Variants in TRIM38 observed in about 807,000 individuals in gnomAD.
TRIM38 encodes the protein E3 ubiquitin-protein ligase TRIM38.
A neutral mutation model predicts 35.8 loss-of-function variants in TRIM38; 35 were observed. The ratio of observed to expected loss-of-function variants is 0.98; its 90% CI spans 0.75 to 1.30. TRIM38 has a LOEUF of 1.30. Ranked by LOEUF, TRIM38 falls within the 50% of genes most tolerant of loss-of-function variation. The pLI is 0.00. For synonymous variants in TRIM38, 198 were observed against 204.7 expected (o/e 0.97, Z 0.28); for missense variants, 545 against 556.9 (o/e 0.98, Z 0.21).
intron 2 of TRIM38, among the ~76,000 whole-genome samples, chr6:25,965,828 G>A (rs1020966726): frequency 2.0e-5 from 3 of 151,914 alleles, no homozygotes; most frequent in African/African-American, 7.3e-5. Context: ...GGCTGAGGCA[G>A]GAGAATCGCT....
chr6:25,967,256 T>TA (rs1215944420), intron 3 of TRIM38, among the ~76,000 whole-genome samples: 27 of 152,056 alleles, frequency 1.8e-4, no homozygotes, highest in African/African-American at 6.5e-4. Flanking sequence ...AAAACCACAA[T>TA]ATGTAAAGCC....
Position 25,983,418 on chromosome 6 carries a change from G to T in TRIM38, c.1129G>T (p.Glu377Ter), listed in dbSNP as rs768283590. ...GCAGAGGGGCACTGGCATGAAGCAA[G>T]AGCCTCAGTCTGGATTCTGGACCCT... The part of the protein sequence containing the change: ...NVQRGTGMKQ[E>*]PQSGFWTLRL... The change falls in exon 8 of 8, where the codon GAG becomes TAG. Residue 377 changes from glutamate (E) to a stop codon, truncating the protein, a stop_gained. Transcript: ENST00000357085. LOFTEE classifies it low-confidence loss of function (END_TRUNC). The T allele has an allele frequency of 2.5e-6, 4 of 1,614,172 alleles. No individual in the cohort carries two copies. In the South Asian group the frequency reaches 4.4e-5, roughly 18 times the overall value.
In TRIM38 at chr6:25,983,628, C is replaced by T. The variant is rs200985353; in HGVS notation, c.1339C>T (p.Arg447Trp). The change falls in exon 8 of 8, where the codon CGG (arginine) becomes TGG (tryptophan). Residue 447 changes from arginine (R) to tryptophan (W), a missense_variant. Arg to Trp is a moderately radical substitution (Grantham distance 101, BLOSUM62 -3). Transcript: ENST00000357085. The part of the protein sequence containing the change: ...FPKASFSDTL[R>W]PYFQVYQYSP... ...GAAGGCTTCCTTCTCTGATACTCTCCGGCCCTATTTCCAGGTTTATCAATA... is the reference window on the plus strand; with the variant it reads ...GAAGGCTTCCTTCTCTGATACTCTCTGGCCCTATTTCCAGGTTTATCAATA... The T allele has an allele frequency of 1.5e-5, 25 of 1,613,168 alleles. No homozygotes were observed. Among genetic ancestry groups the T allele is most frequent in the Middle Eastern group, 1.7e-4 (1 of 6,010 alleles).
rs578228348 is a variant in TRIM38, at chr6:25,982,653, C to T, written c.875-511C>T. On this transcript the variant is annotated intron_variant, in intron 7 of 7. Transcript: ENST00000357085. ...GCAAACATAAGCTTATTCAATCCTA[C>T]CCACCATTCTCTGCAACAAATACGG... 4.5e-4 allele frequency among the ~76,000 whole-genome samples: 69 copies of T among 152,310 alleles called. 2 individuals carry two copies. The South Asian group carries it at 5.2e-3, about 11-fold the overall frequency.
Position 25,983,543 on chromosome 6 carries a change from T to C in TRIM38, c.1254T>C (p.Tyr418=). Residue 418 remains tyrosine (Y), a synonymous_variant, in exon 8 of 8, where the codon TAT becomes TAC. Transcript: ENST00000357085. ...QPLLVGIFLD[Y]EAGVVSFYNG... ...TGCTTGTGGGAATTTTTCTGGACTA[T>C]GAGGCCGGAGTTGTATCCTTTTATA... 1 of 1,614,084 alleles carries C rather than the reference T, an allele frequency of 6.2e-7. No individual in the cohort carries two copies. Among genetic ancestry groups the C allele is most frequent in the Non-Finnish European group, 8.5e-7 (1 of 1,180,018 alleles).
chr6:25,966,854 T>A lies in TRIM38; in HGVS notation c.332T>A (p.Ile111Asn), dbSNP rs2113580367. The A allele has an allele frequency of 6.2e-7, 1 of 1,614,190 alleles. No homozygotes were observed. Among genetic ancestry groups the A allele is most frequent in the Middle Eastern group, 1.6e-4 (1 of 6,062 alleles). Residue 111 changes from isoleucine (I) to asparagine (N), a missense_variant, in exon 3 of 8, where the codon ATC becomes AAC. Transcript: ENST00000357085. ...HLFCEDEGQL[I>N]CWRCERAPQH... The stretch of plus-strand genomic sequence containing the variant: ...TTCTGCGAAGACGAGGGGCAGCTCA[T>A]CTGCTGGCGCTGTGAGCGGGCACCA...
intron 2 of TRIM38, among the ~76,000 whole-genome samples, chr6:25,963,725 A>G (rs980066608): frequency 6.6e-6 from 1 of 152,174 alleles, no homozygotes; most frequent in Admixed American, 6.5e-5. Flanking sequence ...GAGAGGGCAC[A>G]AAAAGGATAA....
At position 25,983,420 on chromosome 6, in the gene TRIM38, G is replaced by A. The variant is rs199895933; in HGVS notation, c.1131G>A (p.Glu377=). The change falls in exon 8 of 8, where the codon GAG becomes GAA. Residue 377 remains glutamate (E), a synonymous_variant. Coordinates refer to ENST00000357085, the MANE Select transcript of TRIM38 (RefSeq NM_006355.5). Reference sequence around the variant, plus strand: ...AGAGGGGCACTGGCATGAAGCAAGAGCCTCAGTCTGGATTCTGGACCCTCA... The same window carrying A: ...AGAGGGGCACTGGCATGAAGCAAGAACCTCAGTCTGGATTCTGGACCCTCA... The part of the protein sequence containing the change: ...NVQRGTGMKQ[E]PQSGFWTLRL... The A allele has an allele frequency of 6.2e-7, 1 of 1,614,162 alleles. No individual in the cohort carries two copies. Among genetic ancestry groups the A allele is most frequent in the Admixed American group, 1.7e-5 (1 of 60,018 alleles).
rs1451163557 is a variant in TRIM38, at chr6:25,970,084, A to AT, written c.507+670dup. ...AGGCATGTGCTACCATGCCTGGCTAATTTTTTGTATTTTAGTAGAGACGGG... is the reference window on the plus strand; with the variant it reads ...AGGCATGTGCTACCATGCCTGGCTAATTTTTTTGTATTTTAGTAGAGACGGG... On this transcript the variant is annotated intron_variant, in intron 4 of 7. Transcript: ENST00000357085. Among the ~76,000 whole-genome samples, 35 of 151,900 alleles carry AT rather than the reference A, an allele frequency of 2.3e-4. 1 individual carries two copies. The highest frequency in any genetic ancestry group is 8.8e-5 in the Non-Finnish European group (6 of 67,976).
chr6:25,986,964 C>T lies in TRIM38; in HGVS notation c.*3277C>T, dbSNP rs1254088968. On this transcript the variant is annotated 3_prime_UTR_variant, in exon 8 of 8. Coordinates refer to ENST00000357085, the MANE Select transcript of TRIM38 (RefSeq NM_006355.5). ...CTAAAACCTATCATAAAACCTTTGG[C>T]TTGCCTTGCATTAGCCAGAATTTAG... The T allele has an allele frequency of 6.6e-6, 1 of 152,204 alleles. No homozygotes were observed. The highest frequency in any genetic ancestry group is 1.5e-5 in the Non-Finnish European group (1 of 68,036). The allele number at this position is 152,204 out of a possible 1,614,324, so 9.4% of individuals were successfully genotyped here.
intron 2 of TRIM38, among the ~76,000 whole-genome samples, chr6:25,965,396 A>C (rs564376431): frequency 2.6e-5 from 4 of 152,314 alleles, no homozygotes; most frequent in East Asian, 1.9e-4. Context: ...GATAGTGGCT[A>C]CTGTATTAGC....
chr6:25,972,323 C>T (rs1760261970), intron 5 of TRIM38, among the ~76,000 whole-genome samples: 1 of 152,170 alleles, frequency 6.6e-6, no homozygotes, highest in Non-Finnish European at 1.5e-5. Context: ...ACATTTACCA[C>T]TGTTTGCCTC....
At chr6:25,982,304 A>G (rs1050857114) in intron 7 of TRIM38, among the ~76,000 whole-genome samples, 2 of 152,196 alleles carry the variant, frequency 1.3e-5, no homozygotes, top group Non-Finnish European at 2.9e-5. Flanking sequence ...AAAATGCTAA[A>G]CTGTCACAGC....
rs1009066666 is a variant in TRIM38, at chr6:25,990,654, A to G, written c.*6967A>G. The G allele has an allele frequency of 6.6e-6, 1 of 151,640 alleles. No individual in the cohort carries two copies. Among genetic ancestry groups the G allele is most frequent in the African/African-American group, 2.4e-5 (1 of 41,386 alleles). 9.4% of individuals were successfully genotyped at this position (151,640 alleles called of 1,614,324 possible). On this transcript the variant is annotated 3_prime_UTR_variant, in exon 8 of 8. Transcript: ENST00000357085. ...TAATTTATAATAATAAATATTAACA[A>G]TTAGATTTAATTACTGATAAATATT...
At chr6:25,968,622 A>G (rs1336254385) in intron 3 of TRIM38, among the ~76,000 whole-genome samples, 1 of 152,252 alleles carries the variant, frequency 6.6e-6, no homozygotes, top group Non-Finnish European at 1.5e-5. Flanking sequence ...GGGTTTACAG[A>G]GGACAGGAGA....
chr6:25,973,834 T>C, intron 7 of TRIM38: 1 of 985,386 alleles, frequency 1.0e-6, no homozygotes, highest in Non-Finnish European at 1.2e-6. Flanking sequence ...TCCAAAATGT[T>C]AGAACCATTT....
intron 7 of TRIM38, among the ~76,000 whole-genome samples, chr6:25,978,478 G>T (rs1004774791): frequency 6.6e-6 from 1 of 151,814 alleles, no homozygotes; most frequent in African/African-American, 2.4e-5. Flanking sequence ...AGCATTGATT[G>T]GTACATATAA....
rs779537642 is a variant in TRIM38, at chr6:25,983,629, G to A, written c.1340G>A (p.Arg447Gln). 21 of 1,612,846 alleles carry A rather than the reference G, an allele frequency of 1.3e-5. No individual in the cohort carries two copies. The South Asian group carries it at 1.5e-4, about 12-fold the overall frequency. Reference sequence around the variant, plus strand: ...AAGGCTTCCTTCTCTGATACTCTCCGGCCCTATTTCCAGGTTTATCAATAT... The same window carrying A: ...AAGGCTTCCTTCTCTGATACTCTCCAGCCCTATTTCCAGGTTTATCAATAT... ...FPKASFSDTL[R>Q]PYFQVYQYSP... The change falls in exon 8 of 8, where the codon CGG (arginine) becomes CAG (glutamine). Residue 447 changes from arginine to glutamine, a missense_variant. Transcript: ENST00000357085.
chr6:25,983,381 T>C lies in TRIM38; in HGVS notation c.1092T>C (p.Cys364=), dbSNP rs1273132108. ...GEGTGWDLGV[C]MENVQRGTGM... Reference sequence around the variant, plus strand: ...GAACCGGATGGGATTTAGGAGTTTGTATGGAAAATGTGCAGAGGGGCACTG... The same window carrying C: ...GAACCGGATGGGATTTAGGAGTTTGCATGGAAAATGTGCAGAGGGGCACTG... The change falls in exon 8 of 8, where the codon TGT becomes TGC. Residue 364 remains cysteine, a synonymous_variant. Coordinates refer to ENST00000357085, the MANE Select transcript of TRIM38 (RefSeq NM_006355.5). 2 of 1,614,034 alleles carry C rather than the reference T, an allele frequency of 1.2e-6. No individual in the cohort carries two copies. Among genetic ancestry groups the C allele is most frequent in the Admixed American group, 1.7e-5 (1 of 60,010 alleles).
Sources: gnomAD v4.1 joint callset for allele counts (sites outside exome capture counted in the v4.1 genomes callset) on GRCh38, gnomAD v4.1.1 for gene constraint, MANE v1.5 for transcripts, NCBI Gene and HGNC (gene_info 2026-07-23, HGNC 2026-07-21) for gene names.